Variants in TRAK1 observed in about 807,000 individuals in gnomAD.
TRAK1 encodes trafficking kinesin protein 1.
In TRAK1, 33 loss-of-function variants were observed where a neutral mutation model predicts 92.1. The observed-to-expected ratio is 0.36, with a 90% CI of 0.27 to 0.48. TRAK1 has a LOEUF of 0.48. Among genes scored for constraint, TRAK1 ranks in the 20% least tolerant of loss-of-function variants. The pLI is 0.99. For synonymous variants in TRAK1, 521 were observed against 517.3 expected, an observed-to-expected ratio of 1.01 and a Z score of -0.10; for missense variants, 1,123 against 1,257.9, an observed-to-expected ratio of 0.89 and a Z score of 1.62.
chr3:42,024,216 A>G (rs1701835544), intron 1 of TRAK1, among the ~76,000 whole-genome samples: 1 of 152,156 alleles, frequency 6.6e-6, no homozygotes, highest in Admixed American at 6.6e-5. Flanking sequence ...AGAGATTGGG[A>G]GAAGACCAGA....
chr3:42,218,597 C>A, intron 14 of TRAK1: 1 of 985,258 alleles, frequency 1.0e-6, no homozygotes, highest in Non-Finnish European at 1.2e-6. Flanking sequence ...CTCCCATAGA[C>A]TCTGTTCCTT....
intron 2 of TRAK1, among the ~76,000 whole-genome samples, chr3:42,143,591 G>A (rs1048829978): frequency 1.3e-5 from 2 of 152,208 alleles, no homozygotes; most frequent in Admixed American, 6.5e-5. Flanking sequence ...AAATGGGGCA[G>A]CCGAAGATGC....
intron 1 of TRAK1, among the ~76,000 whole-genome samples, chr3:42,124,063 C>T (rs1348518151): frequency 1.3e-5 from 2 of 151,472 alleles, no homozygotes; most frequent in Admixed American, 6.6e-5. Context: ...GCTTGAGGAT[C>T]GGAGGTCAAG....
At chr3:42,072,419 A>T (rs886929008) in intron 1 of TRAK1, among the ~76,000 whole-genome samples, 2 of 152,166 alleles carry the variant, frequency 1.3e-5, no homozygotes, top group Non-Finnish European at 2.9e-5. Flanking sequence ...GGCCAGCTGT[A>T]CGCAGGCTCT....
intron 13 of TRAK1, chr3:42,203,927 C>G: frequency 1.0e-6 from 1 of 985,330 alleles, no homozygotes. Context: ...CAATATTGCC[C>G]CTGTGAGACT....
At chr3:42,070,987 G>A (rs1269609247) in intron 1 of TRAK1, among the ~76,000 whole-genome samples, 2 of 152,194 alleles carry the variant, frequency 1.3e-5, no homozygotes, top group East Asian at 3.9e-4. Context: ...TCCAGCCCTA[G>A]TTTCCCCATT....
chr3:42,111,916 C>CT (rs200985476), intron 1 of TRAK1, among the ~76,000 whole-genome samples: 8,793 of 136,110 alleles, frequency 0.065, 712 homozygotes, highest in African/African-American at 0.19. Context: ...CTGACATCTT[C>CT]TTTTTTTTTT....
At chr3:42,091,295 C>T, upstream of TRAK1, 1 of 602,762 alleles carries the variant, frequency 1.7e-6, no homozygotes. Context: ...CCTGGAGTTA[C>T]ATAACCCATT....
intron 3 of TRAK1, among the ~76,000 whole-genome samples, chr3:42,183,567 AAAAAG>A (rs1381991954): frequency 8.2e-4 from 124 of 151,048 alleles, no homozygotes; most frequent in African/African-American, 2.5e-3. Context: ...AAAAAAAAAA[AAAAAG>A]AAAGAAAGAA....
intron 14 of TRAK1, chr3:42,212,548 A>G (rs1709180694): frequency 1.0e-6 from 1 of 979,586 alleles, no homozygotes; most frequent in Admixed American, 6.1e-5. Flanking sequence ...TTACAATCCC[A>G]TGTCTTAAAA....
At chr3:42,048,706 C>T (rs983582278) in intron 1 of TRAK1, among the ~76,000 whole-genome samples, 3 of 151,954 alleles carry the variant, frequency 2.0e-5, no homozygotes, top group East Asian at 1.9e-4. Flanking sequence ...GGACCACAGG[C>T]GCACACCAGC....
Position 42,033,462 on chromosome 3 carries a change from G to A in TRAK1, c.-519+19345G>A, listed in dbSNP as rs182868063. 4.6e-5 allele frequency among the ~76,000 whole-genome samples: 7 copies of A among 152,244 alleles called. No homozygotes were observed. In the East Asian group the frequency reaches 1.2e-3, roughly 25 times the overall value. ...ACATTAGCCAGGCGTGGTGGCACAC[G>A]CCTGTGGTCTTAGCTATTGAGGGGC... On this transcript the variant is annotated intron_variant, in intron 1 of 16. Transcript: ENST00000487159.
chr3:42,217,919 T>C (rs949834258), intron 14 of TRAK1: 1 of 985,312 alleles, frequency 1.0e-6, no homozygotes, highest in African/African-American at 1.7e-5. Context: ...TGTTCACTGA[T>C]TGAGAAAGAT....
chr3:42,205,141 A>G (rs976468212), intron 13 of TRAK1, among the ~76,000 whole-genome samples: 2 of 152,162 alleles, frequency 1.3e-5, no homozygotes, highest in African/African-American at 2.4e-5. Flanking sequence ...AGTATTTTAT[A>G]TTGTACCTGG....
At chr3:42,076,288 C>T (rs1246630233) in intron 1 of TRAK1, among the ~76,000 whole-genome samples, 6 of 123,784 alleles carry the variant, frequency 4.8e-5, no homozygotes, top group Non-Finnish European at 9.3e-5. Context: ...TGCAATGGTG[C>T]GATCTCGGCT....
At chr3:42,155,709 G>A (rs1444299257) in intron 2 of TRAK1, among the ~76,000 whole-genome samples, 1 of 152,212 alleles carries the variant, frequency 6.6e-6, no homozygotes, top group Non-Finnish European at 1.5e-5. Context: ...TCTATTCTCT[G>A]CTGTCAAATA....
Position 42,091,545 on chromosome 3 carries a change from C to T in TRAK1, c.76C>T (p.Arg26Trp), listed in dbSNP as rs765585669. Residue 26 changes from arginine to tryptophan, a missense_variant, in exon 1 of 16, where the codon CGG (arginine) becomes TGG (tryptophan). By Grantham distance (101) the Arg-to-Trp change is moderately radical. Transcript: ENST00000327628. ...LPGLCHGKLI[R>W]TNACDVCNST... ...AGGACTCTGCCACGGCAAGCTCATT[C>T]GGACAAACGCCTGTGGTAAGTTTGT... 13 of 1,612,368 alleles carry T rather than the reference C, an allele frequency of 8.1e-6. No homozygotes were observed. Among genetic ancestry groups the T allele is most frequent in the African/African-American group, 4.0e-5 (3 of 74,750 alleles).
chr3:42,117,232 G>A (rs1709277832), intron 1 of TRAK1, among the ~76,000 whole-genome samples: 1 of 152,148 alleles, frequency 6.6e-6, no homozygotes, highest in Admixed American at 6.5e-5. Context: ...AAGAAACTGA[G>A]TCCCAGGCAT....
intron 8 of TRAK1, 27 bp from the exon 9 acceptor site, chr3:42,193,796 GA>G: frequency 8.1e-7 from 1 of 1,241,804 alleles, no homozygotes; most frequent in East Asian, 2.3e-5. Context: ...AGTATCTTAG[GA>G]AGTGATCTAT....
Sources: allele counts gnomAD v4.1 joint callset (sites outside exome capture counted in the v4.1 genomes callset), GRCh38; gene constraint gnomAD v4.1.1; transcripts MANE v1.5; gene names NCBI Gene and HGNC (gene_info 2026-07-23, HGNC 2026-07-21).